Variants in PSD3 observed in about 807,000 individuals in gnomAD.
PSD3 encodes the protein PH and SEC7 domain-containing protein 3.
A neutral mutation model predicts 105.5 loss-of-function variants in PSD3; 49 were observed. The ratio of observed to expected loss-of-function variants is 0.46; its 90% CI spans 0.37 to 0.59. The LOEUF (loss-of-function observed/expected upper bound fraction) is 0.59, where lower values mean the gene tolerates loss of function less well. PSD3 is among the 20% of genes least tolerant of loss of function. The pLI is 0.00. For synonymous variants in PSD3, 557 were observed against 457.8 expected (o/e 1.22, Z -2.77); for missense variants, 1,561 against 1,263.8 (o/e 1.24, Z -3.57).
At chr8:19,072,791 C>T (rs1829314075) in intron 1 of PSD3, among the ~76,000 whole-genome samples, 1 of 152,190 alleles carries the variant, frequency 6.6e-6, no homozygotes, top group Admixed American at 6.5e-5. Context: ...AGGCTCAATT[C>T]CAAGTTCTTT....
chr8:18,845,906 C>T (rs780490220), intron 4 of PSD3, among the ~76,000 whole-genome samples: 1 of 152,198 alleles, frequency 6.6e-6, no homozygotes, highest in Non-Finnish European at 1.5e-5. Context: ...CTTTATATTT[C>T]TTGACCAATA....
intron 12 of PSD3, among the ~76,000 whole-genome samples, chr8:18,576,530 C>T (rs1284254195): frequency 6.6e-6 from 1 of 152,020 alleles, no homozygotes; most frequent in Non-Finnish European, 1.5e-5. Flanking sequence ...TTAAGATCTG[C>T]CTTGTCATTT....
intron 8 of PSD3, among the ~76,000 whole-genome samples, chr8:18,780,472 G>C (rs1187835116): frequency 2.0e-5 from 3 of 151,830 alleles, no homozygotes; most frequent in Non-Finnish European, 4.4e-5. Context: ...TTTTGGTTTT[G>C]TGTATCCTCT....
chr8:18,791,402 T>C (rs867313974), intron 8 of PSD3, among the ~76,000 whole-genome samples: 1 of 152,034 alleles, frequency 6.6e-6, no homozygotes, highest in Non-Finnish European at 1.5e-5. Context: ...TGGAACAGAA[T>C]AGAGAACCCA....
intron 6 of PSD3, among the ~76,000 whole-genome samples, chr8:18,801,814 T>C (rs2638626): frequency 0.89 from 134,745 of 151,914 alleles, 59,929 homozygotes; most frequent in Non-Finnish European, 0.92. Flanking sequence ...GGCGACAGAG[T>C]GAGACTCCGT....
At chr8:18,993,781 G>A (rs1586594985) in intron 1 of PSD3, among the ~76,000 whole-genome samples, 3 of 151,948 alleles carry the variant, frequency 2.0e-5, no homozygotes, top group African/African-American at 7.2e-5. Context: ...CTGAAATTAA[G>A]ACTTAAATTA....
chr8:18,985,718 G>C (rs1174747233), intron 1 of PSD3, among the ~76,000 whole-genome samples: 1 of 152,196 alleles, frequency 6.6e-6, no homozygotes, highest in African/African-American at 2.4e-5. Flanking sequence ...TTTCAATGAA[G>C]TCAATGGCAC....
At chr8:18,850,559 T>C (rs1420130741) in intron 4 of PSD3, among the ~76,000 whole-genome samples, 2 of 152,220 alleles carry the variant, frequency 1.3e-5, no homozygotes, top group African/African-American at 4.8e-5. Flanking sequence ...AAGTTCAGCC[T>C]CATTACTCAC....
chr8:18,664,078 C>A (rs1809544548), intron 9 of PSD3, among the ~76,000 whole-genome samples: 1 of 152,146 alleles, frequency 6.6e-6, no homozygotes, highest in African/African-American at 2.4e-5. Context: ...ACCAGCTGTT[C>A]CCTAAGATAC....
chr8:18,757,301 A>C (rs1490997229), intron 9 of PSD3, among the ~76,000 whole-genome samples: 2 of 151,018 alleles, frequency 1.3e-5, no homozygotes, highest in African/African-American at 4.8e-5. Context: ...AAAAATACAA[A>C]AAAAAAAAAA....
At chr8:18,816,440 G>A (rs551281102) in intron 4 of PSD3, among the ~76,000 whole-genome samples, 3 of 152,190 alleles carry the variant, frequency 2.0e-5, no homozygotes, top group African/African-American at 4.8e-5. Flanking sequence ...AATAAGCTAT[G>A]TGGCTTTCTA....
chr8:18,940,740 T>G (rs531969072), intron 1 of PSD3, among the ~76,000 whole-genome samples: 38 of 152,286 alleles, frequency 2.5e-4, no homozygotes, highest in Non-Finnish European at 5.1e-4. Context: ...TACATCAAAT[T>G]CCTACCTATT....
At position 18,728,735 on chromosome 8, in the gene PSD3, T is replaced by G. The variant is rs148197362; in HGVS notation, c.2172+36714A>C. On this transcript the variant is annotated intron_variant, in intron 9 of 15. Transcript: ENST00000327040. Reference sequence around the variant, plus strand: ...TCATGCATAAGTTAATTAGCTCGATTTAGCCATTCCAAAATGTATACAGAT... The same window carrying G: ...TCATGCATAAGTTAATTAGCTCGATGTAGCCATTCCAAAATGTATACAGAT... Among the ~76,000 whole-genome samples, 10 of 152,294 alleles carry G rather than the reference T, an allele frequency of 6.6e-5. No individual in the cohort carries two copies. The East Asian group carries it at 1.9e-3, about 29-fold the overall frequency.
intron 11 of PSD3, among the ~76,000 whole-genome samples, chr8:18,606,064 G>T (rs1339947910): frequency 6.6e-6 from 1 of 152,124 alleles, no homozygotes; most frequent in Middle Eastern, 3.2e-3. Flanking sequence ...GAGTCTAAAT[G>T]CTATGTCTAA....
intron 12 of PSD3, among the ~76,000 whole-genome samples, chr8:18,586,328 CTTTT>C (rs1803183481): frequency 6.6e-6 from 1 of 152,068 alleles, no homozygotes; most frequent in Non-Finnish European, 1.5e-5. Flanking sequence ...ACTATTGTGA[CTTTT>C]TTGTTTATTT....
chr8:18,541,399 G>A (rs555181157), intron 15 of PSD3, among the ~76,000 whole-genome samples: 2 of 152,198 alleles, frequency 1.3e-5, no homozygotes, highest in Admixed American at 1.3e-4. Context: ...AAAATAACAC[G>A]GATACCCACG....
chr8:18,735,199 G>T (rs1029179666), intron 9 of PSD3, among the ~76,000 whole-genome samples: 2 of 152,044 alleles, frequency 1.3e-5, no homozygotes, highest in African/African-American at 4.8e-5. Context: ...TCAACTCCAG[G>T]AAAACACTTT....
rs1279647426 is a variant in PSD3, at chr8:18,535,006, T to C, written c.*737A>G. ...GCCCCCATCCTTTAGCAAACAAAAT[T>C]AACTGGGTATCAATCTTTCCTCAGC... On this transcript the variant is annotated 3_prime_UTR_variant, in exon 16 of 16. Coordinates refer to ENST00000327040, the MANE Select transcript of PSD3 (RefSeq NM_015310.4). 6.6e-6 allele frequency: 1 copy of C among 152,590 alleles called. No individual in the cohort carries two copies. The highest frequency in any genetic ancestry group is 1.5e-5 in the Non-Finnish European group (1 of 68,042). 9.5% of individuals were successfully genotyped at this position (152,590 alleles called of 1,614,324 possible).
intron 4 of PSD3, 90 bp downstream of exon 4, chr8:18,867,584 G>A: frequency 1.4e-6 from 2 of 1,464,882 alleles, no homozygotes; most frequent in East Asian, 2.3e-5. Flanking sequence ...TTGGCCAAAT[G>A]ATTTAAATAT....
Sources: allele counts gnomAD v4.1 joint callset (sites outside exome capture counted in the v4.1 genomes callset), GRCh38; gene constraint gnomAD v4.1.1; transcripts MANE v1.5; gene names NCBI Gene and HGNC (gene_info 2026-07-23, HGNC 2026-07-21).